The following CSMD1 variants were observed in gnomAD, a reference collection of about 807,000 sequenced individuals.
CSMD1 encodes the protein CUB and Sushi multiple domains 1.
In CSMD1, 213 loss-of-function variants were observed where a neutral mutation model predicts 417.5. That is an observed-to-expected ratio of 0.51 (90% CI 0.46 to 0.57). CSMD1 has a LOEUF of 0.57. Ranked by LOEUF, CSMD1 falls within the 20% of genes least tolerant of loss-of-function variation. The pLI is 0.00. For synonymous variants in CSMD1, 2,862 were observed against 1,736.8 expected (o/e 1.65, Z -16.11); for missense variants, 6,923 against 4,529.7 (o/e 1.53, Z -15.17).
At chr8:3,457,063 C>T (rs1816196312) in intron 12 of CSMD1, among the ~76,000 whole-genome samples, 1 of 151,864 alleles carries the variant, frequency 6.6e-6, no homozygotes, top group Admixed American at 6.6e-5. Flanking sequence ...TACTCCTCAC[C>T]TGTATCCCTC....
At chr8:4,406,950 G>A (rs1295341320) in intron 3 of CSMD1, among the ~76,000 whole-genome samples, 2 of 152,196 alleles carry the variant, frequency 1.3e-5, no homozygotes, top group South Asian at 2.1e-4. Flanking sequence ...TAAAAGGGAA[G>A]AGTATCTTGT....
At chr8:4,671,566 C>T (rs919181182) in intron 1 of CSMD1, among the ~76,000 whole-genome samples, 4 of 152,216 alleles carry the variant, frequency 2.6e-5, no homozygotes, top group African/African-American at 9.7e-5. Flanking sequence ...CACGTGAATT[C>T]ACCAGACACT....
intron 1 of CSMD1, among the ~76,000 whole-genome samples, chr8:4,951,230 G>C (rs541944164): frequency 5.3e-4 from 80 of 152,202 alleles, no homozygotes; most frequent in African/African-American, 1.8e-3. Context: ...AATCCACAAA[G>C]AAACTGTCTC....
At chr8:3,914,987 C>A (rs1433799354) in intron 5 of CSMD1, among the ~76,000 whole-genome samples, 1 of 152,160 alleles carries the variant, frequency 6.6e-6, no homozygotes, top group Non-Finnish European at 1.5e-5. Context: ...CTGAACGGAA[C>A]AGCCTTCACA....
intron 37 of CSMD1, among the ~76,000 whole-genome samples, chr8:3,162,901 T>A (rs17079506): frequency 0.066 from 10,000 of 152,250 alleles, 761 homozygotes; most frequent in African/African-American, 0.19. Flanking sequence ...CTCACAGATT[T>A]TTTTAAAGGC....
In CSMD1 at chr8:4,752,159, T is replaced by G. The variant is rs144822825; in HGVS notation, c.86-114601A>C. Among the ~76,000 whole-genome samples the G allele has an allele frequency of 6.6e-5, 10 of 152,284 alleles. No individual in the cohort carries two copies. The East Asian group carries it at 1.9e-3, about 29-fold the overall frequency. On this transcript the variant is annotated intron_variant, in intron 1 of 69. Transcript: ENST00000635120. ...ATATGTATCTCAGTTGCTCTTTAGT[T>G]CCTTACCACTTCTCTAGGAAGTAGA... is the stretch of plus-strand genomic sequence containing the variant.
At chr8:4,304,624 C>G (rs1264619729) in intron 3 of CSMD1, among the ~76,000 whole-genome samples, 1 of 152,106 alleles carries the variant, frequency 6.6e-6, no homozygotes, top group Non-Finnish European at 1.5e-5. Context: ...TTATACAGAT[C>G]AGATTCCCCT....
chr8:4,619,545 A>G (rs1206684219), intron 2 of CSMD1, among the ~76,000 whole-genome samples: 1 of 152,128 alleles, frequency 6.6e-6, no homozygotes, highest in African/African-American at 2.4e-5. Context: ...CTAAGCTCTA[A>G]TGCATCTTGC....
At chr8:3,126,046 G>A (rs1817492546) in intron 41 of CSMD1, among the ~76,000 whole-genome samples, 1 of 152,188 alleles carries the variant, frequency 6.6e-6, no homozygotes, top group South Asian at 2.1e-4. Flanking sequence ...GTACATACAT[G>A]AGCCTTGAAG....
chr8:3,599,149 G>GTGTGTC (rs35919818), intron 8 of CSMD1, among the ~76,000 whole-genome samples: 16,049 of 146,102 alleles, frequency 0.11, 1,214 homozygotes, highest in East Asian at 0.3. Context: ...GTGTGTGTGT[G>GTGTGTC]TCTGTGTGTG....
chr8:3,868,692 C>G (rs115089066), intron 5 of CSMD1, among the ~76,000 whole-genome samples: 45 of 152,252 alleles, frequency 3.0e-4, no homozygotes, highest in African/African-American at 1.0e-3. Flanking sequence ...ATGAATGCAG[C>G]GTTATCCTTC....
intron 7 of CSMD1, among the ~76,000 whole-genome samples, chr8:3,634,432 C>T (rs989780934): frequency 1.3e-5 from 2 of 152,148 alleles, no homozygotes; most frequent in African/African-American, 4.8e-5. Context: ...TGGGGTCACA[C>T]GTCATTCCTG....
At chr8:4,212,144 A>T (rs1003337823) in intron 3 of CSMD1, among the ~76,000 whole-genome samples, 2 of 150,898 alleles carry the variant, frequency 1.3e-5, no homozygotes, top group East Asian at 3.9e-4. Context: ...GTCCTTTATT[A>T]TGATAAAAAA....
At chr8:4,013,027 T>G (rs987552642) in intron 4 of CSMD1, among the ~76,000 whole-genome samples, 2 of 152,074 alleles carry the variant, frequency 1.3e-5, no homozygotes, top group African/African-American at 2.4e-5. Flanking sequence ...TTCTAATAGG[T>G]TTTTTATTTT....
intron 3 of CSMD1, among the ~76,000 whole-genome samples, chr8:4,312,924 G>C (rs73504653): frequency 6.6e-6 from 1 of 152,100 alleles, no homozygotes; most frequent in African/African-American, 2.4e-5. Context: ...ACACTGATTG[G>C]CATAAATAAT....
chr8:3,121,811 C>G (rs778825432), intron 41 of CSMD1, among the ~76,000 whole-genome samples: 2 of 151,968 alleles, frequency 1.3e-5, no homozygotes, highest in Non-Finnish European at 2.9e-5. Context: ...AAAAAGCAAG[C>G]AGACAAACAA....
intron 5 of CSMD1, among the ~76,000 whole-genome samples, chr8:3,893,198 G>C (rs1030928598): frequency 4.0e-5 from 6 of 151,344 alleles, no homozygotes; most frequent in African/African-American, 1.2e-4. Flanking sequence ...GGGCACGTCA[G>C]AAATAAAGTG....
chr8:4,659,291 A>G (rs188526038), intron 1 of CSMD1, among the ~76,000 whole-genome samples: 5 of 152,144 alleles, frequency 3.3e-5, no homozygotes, highest in Non-Finnish European at 7.4e-5. Context: ...CACCCTAACT[A>G]TACAACTGAA....
intron 2 of CSMD1, among the ~76,000 whole-genome samples, chr8:4,433,837 G>A (rs1585067662): frequency 6.7e-6 from 1 of 148,378 alleles, no homozygotes; most frequent in South Asian, 2.2e-4. Flanking sequence ...TGGAAAAAAA[G>A]GGAAAAAAGA....
Sources: allele counts gnomAD v4.1 joint callset (sites outside exome capture counted in the v4.1 genomes callset), GRCh38; gene constraint gnomAD v4.1.1; transcripts MANE v1.5; gene names NCBI Gene and HGNC (gene_info 2026-07-23, HGNC 2026-07-21).